ZC3H18: variants seen among roughly 807,000 people sequenced by gnomAD.
The protein encoded by ZC3H18 is zinc finger CCCH domain-containing protein 18.
Under a neutral mutation model 106.1 loss-of-function variants are expected in ZC3H18, and 8 were observed. That is an observed-to-expected ratio of 0.08 (90% confidence interval 0.04 to 0.14). The LOEUF (loss-of-function observed/expected upper bound fraction) is 0.14. ZC3H18 is among the 10% of genes least tolerant of loss of function. The pLI, the probability that ZC3H18 is intolerant of heterozygous loss-of-function variation, is 1.00. For synonymous variants in ZC3H18, 635 were observed against 522.1 expected, an observed-to-expected ratio of 1.22 and a Z score of -2.95; for missense variants, 1,318 against 1,278.4, an observed-to-expected ratio of 1.03 and a Z score of -0.47.
intron 7 of ZC3H18, chr16:88,609,267 TC>T (rs1905160737): frequency 3.0e-6 from 1 of 338,716 alleles, no homozygotes; most frequent in Non-Finnish European, 5.5e-6. Context: ...GAAAACTGGT[TC>T]TTGCTATGGT....
intron 8 of ZC3H18, among the ~76,000 whole-genome samples, chr16:88,614,653 G>A (rs1405769076): frequency 1.3e-5 from 2 of 152,214 alleles, no homozygotes; most frequent in African/African-American, 2.4e-5. Context: ...TATTTCAGAT[G>A]TTTTTAATCC....
intron 13 of ZC3H18, among the ~76,000 whole-genome samples, chr16:88,626,871 C>G (rs1265985814): frequency 6.6e-6 from 1 of 152,186 alleles, no homozygotes; most frequent in Non-Finnish European, 1.5e-5. Flanking sequence ...TACAGACCTG[C>G]TGTTTCCAGT....
chr16:88,580,868 G>A (rs1363046197), intron 2 of ZC3H18, among the ~76,000 whole-genome samples: 5 of 152,168 alleles, frequency 3.3e-5, no homozygotes, highest in Admixed American at 6.5e-5. Flanking sequence ...GTAGAGCCCT[G>A]GTGTCACGTC....
intron 1 of ZC3H18, among the ~76,000 whole-genome samples, chr16:88,572,731 TTAAGAGGC>T (rs1914489293): frequency 1.3e-5 from 2 of 151,868 alleles, no homozygotes; most frequent in South Asian, 4.2e-4. Flanking sequence ...TTGTCTACAC[TTAAGAGGC>T]CACGTTTCCC....
In ZC3H18 at chr16:88,627,618, C is replaced by T. The variant is rs1906392868; in HGVS notation, c.2109-4C>T. On this transcript the variant is annotated splice_region_variant and splice_polypyrimidine_tract_variant and intron_variant, in intron 13 of 17. Coordinates refer to ENST00000301011, the MANE Select transcript of ZC3H18 (RefSeq NM_144604.4). This position sits in a 1 kb window ranked among gnomAD's most constrained non-coding sequence, Gnocchi z 4.5. The stretch of plus-strand genomic sequence containing the variant: ...GGTGTGGTGAGATGTGCTTGTGTGT[C>T]CAGGTCCCTGAGCGTGAGCAGCGTC... 1.9e-6 allele frequency: 3 copies of T among 1,598,214 alleles called. No individual in the cohort carries two copies. In the East Asian group the frequency reaches 6.7e-5, roughly 36 times the overall value.
At chr16:88,620,396 C>A (rs1055130433) in intron 8 of ZC3H18, among the ~76,000 whole-genome samples, 4 of 152,114 alleles carry the variant, frequency 2.6e-5, no homozygotes, top group Non-Finnish European at 4.4e-5. Flanking sequence ...CGAGACCAGC[C>A]TGGGCAACAT....
Position 88,595,900 on chromosome 16 carries a change from T to C in ZC3H18, c.689-2278T>C, listed in dbSNP as rs1251253822. Among the ~76,000 whole-genome samples the C allele has an allele frequency of 2.0e-5, 3 of 152,070 alleles. No homozygotes were observed. In the East Asian group the frequency reaches 5.8e-4, roughly 29 times the overall value. ...AAGCCCCTTCCCACATTCCCGACAG[T>C]TGGGTGTGTTCCTACACAGATAAAA... On this transcript the variant is annotated intron_variant, in intron 3 of 17. Transcript: ENST00000301011.
intron 2 of ZC3H18, 21 bp downstream of exon 2, chr16:88,577,747 C>T (rs376068516): frequency 3.1e-5 from 50 of 1,612,340 alleles, no homozygotes; most frequent in African/African-American, 1.9e-4. Flanking sequence ...TGGAGCAGAG[C>T]GTCGCGGGGC....
At position 88,586,680 on chromosome 16, in the gene ZC3H18, G is replaced by A; in HGVS notation, c.684G>A (p.Met228Ile). 1.2e-6 allele frequency: 2 copies of A among 1,614,186 alleles called. No homozygotes were observed. Among genetic ancestry groups the A allele is most frequent in the Non-Finnish European group, 1.7e-6 (2 of 1,179,994 alleles). The change falls in exon 3 of 18, where the codon ATG becomes ATA. Residue 228 changes from methionine (M) to isoleucine (I), a missense_variant. By Grantham distance (10) the Met-to-Ile change is conservative (BLOSUM62 1). This residue lies in a region of ZC3H18 where 30 missense variants were observed against 63.3 expected (regional missense o/e 0.47). Transcript: ENST00000301011. ...CTCGTCCCACCTGCCGGTTCTTCAT[G>A]AAAGGTAATTGTCTGCGTGTGAGGC... ...VRPRPTCRFF[M>I]KGNCTWGMNC...
chr16:88,577,042 G>A, intron 1 of ZC3H18, 68 bp from the exon 2 acceptor site: 3 of 1,487,364 alleles, frequency 2.0e-6, no homozygotes, highest in South Asian at 1.4e-5. Flanking sequence ...CTTCAGGCCA[G>A]GAAAGTAGGG....
chr16:88,614,584 C>T (rs956439489), intron 8 of ZC3H18, among the ~76,000 whole-genome samples: 8 of 152,242 alleles, frequency 5.3e-5, no homozygotes, highest in Non-Finnish European at 1.2e-4. Context: ...CTGTATTTGT[C>T]ATACTTTCCT....
chr16:88,573,386 T>A (rs1311991989), intron 1 of ZC3H18, among the ~76,000 whole-genome samples: 1 of 152,036 alleles, frequency 6.6e-6, no homozygotes, highest in African/African-American at 2.4e-5. Context: ...ACCGGTGACT[T>A]ACTGCCACAA....
intron 2 of ZC3H18, among the ~76,000 whole-genome samples, chr16:88,586,308 G>T (rs575742703): frequency 2.6e-5 from 4 of 152,126 alleles, no homozygotes; most frequent in African/African-American, 9.7e-5. Flanking sequence ...ACTATTTCCT[G>T]CCCAGAGTTG....
At chr16:88,577,026 C>A in intron 1 of ZC3H18, 84 bp from the exon 2 acceptor site, 2 of 1,426,238 alleles carry the variant, frequency 1.4e-6, no homozygotes, top group South Asian at 1.5e-5. Context: ...GATGGAAGTC[C>A]TGCTGCTTCA....
chr16:88,609,429 C>A (rs906439224), intron 7 of ZC3H18, among the ~76,000 whole-genome samples: 1 of 152,084 alleles, frequency 6.6e-6, no homozygotes, highest in Admixed American at 6.6e-5. Flanking sequence ...TCCCGAGTAG[C>A]TGGGACCACA....
At chr16:88,595,574 A>G (rs1343174086) in intron 3 of ZC3H18, among the ~76,000 whole-genome samples, 1 of 148,012 alleles carries the variant, frequency 6.8e-6, no homozygotes, top group Non-Finnish European at 1.5e-5. Flanking sequence ...TGGGAGGCCG[A>G]GGTGGGCGGA....
chr16:88,587,709 A>T, intron 3 of ZC3H18: 1 of 1,243,036 alleles, frequency 8.0e-7, no homozygotes. Flanking sequence ...CACAGCTGTG[A>T]AGCCAGAAGG....
At position 88,598,252 on chromosome 16, in the gene ZC3H18, A is replaced by T. The variant is rs1269392436; in HGVS notation, c.763A>T (p.Thr255Ser). 6.2e-7 allele frequency: 1 copy of T among 1,613,486 alleles called. No homozygotes were observed. The change falls in exon 4 of 18, where the codon ACC becomes TCC. Residue 255 changes from threonine (T) to serine (S), a missense_variant. Physicochemically the swap from Thr to Ser is moderately conservative, Grantham distance 58. Coordinates refer to ENST00000301011, the MANE Select transcript of ZC3H18 (RefSeq NM_144604.4). ...VNDKGNYSLITKADPFPPNGA... is the reference protein window; with the variant it reads ...VNDKGNYSLISKADPFPPNGA... Reference sequence around the variant, plus strand: ...CGACAAGGGGAACTACTCCCTAATCACCAAAGCCGACCCCTTCCCGCCTAA... The same window carrying T: ...CGACAAGGGGAACTACTCCCTAATCTCCAAAGCCGACCCCTTCCCGCCTAA...
At position 88,576,533 on chromosome 16, in the gene ZC3H18, A is replaced by G. The variant is rs74527717; in HGVS notation, c.-14-577A>G. 9.9e-5 allele frequency among the ~76,000 whole-genome samples: 15 copies of G among 152,174 alleles called. No homozygotes were observed. In the East Asian group the frequency reaches 2.9e-3, roughly 29 times the overall value. On this transcript the variant is annotated intron_variant, in intron 1 of 17. Coordinates refer to ENST00000301011, the MANE Select transcript of ZC3H18 (RefSeq NM_144604.4). ...CACGCAGGCAGGGCTCTGAGCCTGCATTGCTAAAGGGCAGCCAAGGGATTC... is the reference window on the plus strand; with the variant it reads ...CACGCAGGCAGGGCTCTGAGCCTGCGTTGCTAAAGGGCAGCCAAGGGATTC...
Sources: gnomAD v4.1 joint callset for allele counts (sites outside exome capture counted in the v4.1 genomes callset) on GRCh38, gnomAD v4.1.1 for gene constraint, gnomAD v4.1.1 regional missense constraint, Gnocchi (gnomAD v3.1) non-coding constraint, MANE v1.5 for transcripts, NCBI Gene and HGNC (gene_info 2026-07-23, HGNC 2026-07-21) for gene names.